The following RIMS2 variants were observed in gnomAD, a reference collection of about 807,000 sequenced individuals.
RIMS2 encodes regulating synaptic membrane exocytosis protein 2.
RIMS2 carries 59 observed loss-of-function variants against 174.4 expected under a neutral mutation model. That is an observed-to-expected ratio of 0.34 (90% confidence interval 0.27 to 0.42). The LOEUF (loss-of-function observed/expected upper bound fraction) is 0.42, where lower values mean the gene tolerates loss of function less well. Ranked by LOEUF, RIMS2 falls within the 10% of genes least tolerant of loss-of-function variation. RIMS2 has a pLI of 1.00. For synonymous variants in RIMS2, 606 were observed against 572.5 expected (o/e 1.06, Z -0.84); for missense variants, 1,620 against 1,666.3 (o/e 0.97, Z 0.48).
chr8:104,013,434 C>A lies in RIMS2; in HGVS notation c.3045-8C>A, dbSNP rs545680982. ...ATCAACTGAGCTGCTTTTTGACTAA[C>A]GTTTCAGGGATTGTGAAGCAGCAGA... is the stretch of plus-strand genomic sequence containing the variant. On this transcript the variant is annotated splice_polypyrimidine_tract_variant and splice_region_variant and intron_variant, in intron 17 of 23. Transcript: ENST00000504942. 2 of 1,612,300 alleles carry A rather than the reference C, an allele frequency of 1.2e-6. No individual in the cohort carries two copies. The highest frequency in any genetic ancestry group is 1.3e-5 in the African/African-American group (1 of 74,852).
At chr8:103,626,557 G>T (rs1414473865) in intron 1 of RIMS2, among the ~76,000 whole-genome samples, 1 of 152,122 alleles carries the variant, frequency 6.6e-6, no homozygotes, top group Non-Finnish European at 1.5e-5. Context: ...ACATAAAAGT[G>T]ACACAACTGA....
At chr8:104,042,514 G>A (rs993400062) in intron 19 of RIMS2, among the ~76,000 whole-genome samples, 2 of 151,568 alleles carry the variant, frequency 1.3e-5, no homozygotes, top group Non-Finnish European at 3.0e-5. Flanking sequence ...TAAGGTATCA[G>A]TAGAGGCAGT....
At chr8:103,869,466 G>C (rs1376374264) in intron 3 of RIMS2, among the ~76,000 whole-genome samples, 1 of 151,954 alleles carries the variant, frequency 6.6e-6, no homozygotes, top group African/African-American at 2.4e-5. Context: ...CAAAGTGCTG[G>C]GACTACAGGC....
intron 2 of RIMS2, among the ~76,000 whole-genome samples, chr8:103,708,121 C>T (rs1047244892): frequency 7.9e-5 from 12 of 152,220 alleles, no homozygotes; most frequent in Non-Finnish European, 2.9e-5. Context: ...GAGTAAACAG[C>T]CTTCGAGAGT....
chr8:103,691,221 G>T (rs955821793), intron 1 of RIMS2, among the ~76,000 whole-genome samples: 2 of 152,088 alleles, frequency 1.3e-5, no homozygotes, highest in African/African-American at 4.8e-5. Context: ...CTCGAATATT[G>T]ATATCTTTCT....
At chr8:103,916,475 C>T in exon 8 of RIMS2, 1 of 1,610,250 alleles carries the variant, frequency 6.2e-7, no homozygotes, top group Non-Finnish European at 8.5e-7. Context: ...AGGAAGTGTA[C>T]AACATCATTC....
chr8:103,533,094 A>G (rs1360940216), intron 1 of RIMS2, among the ~76,000 whole-genome samples: 1 of 152,252 alleles, frequency 6.6e-6, no homozygotes, highest in South Asian at 2.1e-4. Context: ...TTTCTTTACG[A>G]AAGTAATAAA....
intron 19 of RIMS2, among the ~76,000 whole-genome samples, chr8:104,037,139 G>A (rs138846912): frequency 6.8e-4 from 104 of 152,218 alleles, no homozygotes; most frequent in African/African-American, 2.5e-3. Flanking sequence ...TTTGTCATCT[G>A]TAAACTTGGT....
intron 1 of RIMS2, among the ~76,000 whole-genome samples, chr8:103,527,951 T>C (rs912998254): frequency 6.6e-6 from 1 of 152,218 alleles, no homozygotes; most frequent in African/African-American, 2.4e-5. Context: ...TTCTAGATCC[T>C]TGAGGAATCA....
At chr8:103,677,674 G>A (rs2096832401) in intron 1 of RIMS2, among the ~76,000 whole-genome samples, 1 of 152,012 alleles carries the variant, frequency 6.6e-6, no homozygotes, top group Non-Finnish European at 1.5e-5. Context: ...GATACCATGT[G>A]GTAAAATTAA....
At chr8:103,641,193 GT>G (rs2096221585) in intron 1 of RIMS2, among the ~76,000 whole-genome samples, 1 of 151,912 alleles carries the variant, frequency 6.6e-6, no homozygotes. Context: ...TTTAAAACAG[GT>G]TTCTTGTAGA....
intron 17 of RIMS2, among the ~76,000 whole-genome samples, chr8:103,992,085 C>T (rs2094740703): frequency 6.6e-6 from 1 of 151,882 alleles, no homozygotes; most frequent in Admixed American, 6.6e-5. Flanking sequence ...AGAAATCAGC[C>T]AGTTCACTTA....
intron 19 of RIMS2, among the ~76,000 whole-genome samples, chr8:104,076,669 G>C (rs1304363772): frequency 6.6e-6 from 1 of 152,066 alleles, no homozygotes; most frequent in Non-Finnish European, 1.5e-5. Flanking sequence ...TAAAAGTGTA[G>C]ATTCCTTAAC....
At chr8:103,579,882 G>A (rs796361618) in intron 1 of RIMS2, among the ~76,000 whole-genome samples, 23 of 152,322 alleles carry the variant, frequency 1.5e-4, no homozygotes, top group African/African-American at 5.1e-4. Context: ...AAGCAAGTAT[G>A]TCTTCAAATG....
intron 1 of RIMS2, among the ~76,000 whole-genome samples, chr8:103,641,354 T>C (rs1490758655): frequency 2.6e-5 from 4 of 152,180 alleles, no homozygotes; most frequent in Non-Finnish European, 5.9e-5. Flanking sequence ...TCACCTTAAA[T>C]ATTTGTCTTT....
chr8:103,534,158 T>C (rs911803378), intron 1 of RIMS2, among the ~76,000 whole-genome samples: 3 of 152,230 alleles, frequency 2.0e-5, no homozygotes, highest in African/African-American at 7.2e-5. Flanking sequence ...AAACTGTGCT[T>C]ACATATGGAA....
chr8:103,775,151 A>G (rs2098299092), intron 3 of RIMS2, among the ~76,000 whole-genome samples: 1 of 152,134 alleles, frequency 6.6e-6, no homozygotes. Flanking sequence ...AGTGTGCATT[A>G]CATATGGTTT....
chr8:104,254,291 A>G (rs570132078), downstream of RIMS2: 2 of 152,224 alleles, frequency 1.3e-5, no homozygotes, highest in South Asian at 2.1e-4. Flanking sequence ...TGCCCTGTAC[A>G]TAGTATGTTT....
chr8:104,016,383 A>G (rs984154515), intron 19 of RIMS2, among the ~76,000 whole-genome samples: 1 of 152,022 alleles, frequency 6.6e-6, no homozygotes, highest in Non-Finnish European at 1.5e-5. Context: ...TCGAGCAGCA[A>G]TATTTTATAC....
Sources: gnomAD v4.1 joint callset for allele counts (sites outside exome capture counted in the v4.1 genomes callset) on GRCh38, gnomAD v4.1.1 for gene constraint, MANE v1.5 for transcripts, NCBI Gene and HGNC (gene_info 2026-07-23, HGNC 2026-07-21) for gene names.